The following LRP1B variants were observed in gnomAD, a reference collection of about 807,000 sequenced individuals.
LRP1B encodes the protein LDL receptor related protein 1B.
LRP1B carries 217 observed loss-of-function variants against 556.6 expected under a neutral mutation model. That is an observed-to-expected ratio of 0.39 (90% confidence interval 0.35 to 0.44). The LOEUF is 0.44. LRP1B is among the 20% of genes least tolerant of loss of function. The pLI is 1.00. For synonymous variants in LRP1B, 2,047 were observed against 1,865.8 expected (o/e 1.10, Z -2.50); for missense variants, 5,053 against 5,620.8 (o/e 0.90, Z 3.23).
At chr2:141,344,322 TATC>T (rs1688171146) in intron 3 of LRP1B, among the ~76,000 whole-genome samples, 1 of 152,200 alleles carries the variant, frequency 6.6e-6, no homozygotes, top group South Asian at 2.1e-4. Flanking sequence ...AAGGTCCTGT[TATC>T]ATTCTGAACT....
At chr2:140,378,388 G>T in intron 67 of LRP1B, 102 bp from the exon 68 acceptor site, 1 of 624,802 alleles carries the variant, frequency 1.6e-6, no homozygotes, top group East Asian at 2.8e-5. Context: ...AAAAAAAAGA[G>T]GTTAGTCAGA....
intron 57 of LRP1B, among the ~76,000 whole-genome samples, chr2:140,490,203 G>A (rs1442074453): frequency 6.6e-6 from 1 of 152,096 alleles, no homozygotes; most frequent in South Asian, 2.1e-4. Flanking sequence ...ATTGTGTTTT[G>A]TTTCTCACAC....
chr2:140,254,083 C>A (rs1270007810), intron 86 of LRP1B, among the ~76,000 whole-genome samples: 3 of 152,086 alleles, frequency 2.0e-5, no homozygotes, highest in African/African-American at 2.4e-5. Context: ...TCTACAAAAA[C>A]CCAACAAAGG....
intron 35 of LRP1B, among the ~76,000 whole-genome samples, chr2:140,758,453 T>C (rs1350932537): frequency 6.6e-6 from 1 of 152,070 alleles, no homozygotes; most frequent in African/African-American, 2.4e-5. Flanking sequence ...ACAAATTTGC[T>C]ATAAATTTAA....
chr2:140,429,502 A>G (rs1307804150), intron 66 of LRP1B, among the ~76,000 whole-genome samples: 2 of 152,138 alleles, frequency 1.3e-5, no homozygotes, highest in Non-Finnish European at 2.9e-5. Flanking sequence ...GTACTGCCAC[A>G]AGGCTTCACA....
At chr2:142,118,132 T>C (rs796667808) in intron 1 of LRP1B, among the ~76,000 whole-genome samples, 5 of 152,232 alleles carry the variant, frequency 3.3e-5, no homozygotes, top group African/African-American at 1.2e-4. Flanking sequence ...CGGGTTCCTT[T>C]ATATGATTTT....
chr2:141,892,460 G>A (rs1426223378), intron 1 of LRP1B, among the ~76,000 whole-genome samples: 1 of 149,540 alleles, frequency 6.7e-6, no homozygotes, highest in Non-Finnish European at 1.5e-5. Flanking sequence ...TGTTATATAT[G>A]ATCATGTGAT....
At chr2:142,116,589 A>C (rs1488667345) in intron 1 of LRP1B, among the ~76,000 whole-genome samples, 2 of 152,154 alleles carry the variant, frequency 1.3e-5, no homozygotes, top group Admixed American at 6.6e-5. Flanking sequence ...CTATACCCTC[A>C]TTAATAATGT....
intron 3 of LRP1B, among the ~76,000 whole-genome samples, chr2:141,394,156 A>C (rs2104911274): frequency 6.6e-6 from 1 of 152,278 alleles, no homozygotes; most frequent in Non-Finnish European, 1.5e-5. Flanking sequence ...GTTGCTCAAA[A>C]TGTTCTCTAT....
At chr2:141,357,880 T>C (rs1406456256) in intron 3 of LRP1B, among the ~76,000 whole-genome samples, 1 of 152,240 alleles carries the variant, frequency 6.6e-6, no homozygotes, top group African/African-American at 2.4e-5. Context: ...TCTTTAACAG[T>C]ATACATTATA....
intron 1 of LRP1B, among the ~76,000 whole-genome samples, chr2:142,097,281 TCTTA>T (rs1706409981): frequency 6.6e-6 from 1 of 151,648 alleles, no homozygotes; most frequent in South Asian, 2.1e-4. Flanking sequence ...AGCCTTTCTT[TCTTA>T]CTTTTAAAAT....
At chr2:140,358,203 T>A (rs2105136043) in intron 73 of LRP1B, 87 bp from the exon 74 acceptor site, 1 of 1,242,542 alleles carries the variant, frequency 8.0e-7, no homozygotes, top group Non-Finnish European at 1.1e-6. Flanking sequence ...TTTTACTAAC[T>A]ACTATGAAAA....
intron 32 of LRP1B, among the ~76,000 whole-genome samples, chr2:140,800,098 G>A (rs1452718117): frequency 2.0e-5 from 3 of 152,262 alleles, no homozygotes; most frequent in African/African-American, 7.2e-5. Flanking sequence ...GTCCTTTGTA[G>A]GGACATGGAT....
intron 11 of LRP1B, among the ~76,000 whole-genome samples, chr2:141,042,390 G>A (rs987179859): frequency 6.6e-6 from 1 of 152,072 alleles, no homozygotes; most frequent in Non-Finnish European, 1.5e-5. Context: ...CCTGTGGGGA[G>A]TACAGATCAG....
chr2:141,408,325 T>C (rs1439093641), intron 3 of LRP1B, among the ~76,000 whole-genome samples: 2 of 151,902 alleles, frequency 1.3e-5, no homozygotes, highest in East Asian at 1.9e-4. Context: ...TTTGTATTTT[T>C]AGTAGAGATG....
intron 7 of LRP1B, among the ~76,000 whole-genome samples, chr2:141,096,665 A>AGAGAGAGAGAGAGG (rs1700324720): frequency 1.5e-5 from 2 of 129,358 alleles, no homozygotes; most frequent in Non-Finnish European, 1.7e-5. Context: ...AGAGAGAGAG[A>AGAGAGAGAGAGAGG]GAGAGAGAGA....
In LRP1B at chr2:140,886,236, T is replaced by A. The variant is rs1421377273; in HGVS notation, c.3866A>T (p.Asn1289Ile). The A allele has an allele frequency of 6.2e-7, 1 of 1,609,638 alleles. No homozygotes were observed. Among genetic ancestry groups the A allele is most frequent in the Non-Finnish European group, 8.5e-7 (1 of 1,176,456 alleles). Residue 1289 changes from asparagine (N) to isoleucine (I), a missense_variant, in exon 24 of 91, where the codon AAC becomes ATC. By Grantham distance (149) the Asn-to-Ile change is moderately radical. This residue lies in a region of LRP1B where 3,619 missense variants were observed against 3,931.9 expected (regional missense o/e 0.92). Coordinates refer to ENST00000389484, the MANE Select transcript of LRP1B (RefSeq NM_018557.3). The part of the protein sequence containing the change: ...DYSLLVPGLR[N>I]TIALDFHFNQ... Reference sequence around the variant, plus strand: ...GAAGTGAAAATCAAGTGCTATTGTGTTTCTCAATCCAGGAACAAGTAGACT... The same window carrying A: ...GAAGTGAAAATCAAGTGCTATTGTGATTCTCAATCCAGGAACAAGTAGACT...
At chr2:140,579,141 A>G (rs952017680) in intron 43 of LRP1B, among the ~76,000 whole-genome samples, 6 of 152,180 alleles carry the variant, frequency 3.9e-5, no homozygotes, top group Non-Finnish European at 8.8e-5. Flanking sequence ...ATTGCATAAT[A>G]TGACACTTCG....
At chr2:141,218,804 T>C (rs779585972) in intron 6 of LRP1B, among the ~76,000 whole-genome samples, 1 of 152,106 alleles carries the variant, frequency 6.6e-6, no homozygotes, top group Admixed American at 6.5e-5. Context: ...GGAGCCAAGA[T>C]GGCCAGTTAG....
Sources: gnomAD v4.1 joint callset for allele counts (sites outside exome capture counted in the v4.1 genomes callset) on GRCh38, gnomAD v4.1.1 for gene constraint, gnomAD v4.1.1 regional missense constraint, MANE v1.5 for transcripts, NCBI Gene and HGNC (gene_info 2026-07-23, HGNC 2026-07-21) for gene names.